Variants in PTPRT observed in about 807,000 individuals in gnomAD.
The protein encoded by PTPRT is receptor-type tyrosine-protein phosphatase T.
PTPRT carries 56 observed loss-of-function variants against 176.8 expected under a neutral mutation model. The observed-to-expected ratio is 0.32, with a 90% CI of 0.26 to 0.40. The LOEUF (loss-of-function observed/expected upper bound fraction) is 0.40, where lower values mean the gene tolerates loss of function less well. PTPRT is among the 10% of genes least tolerant of loss of function. PTPRT has a pLI of 1.00. For synonymous variants in PTPRT, 783 were observed against 739.0 expected (o/e 1.06, Z -0.96); for missense variants, 1,540 against 1,908.2 (o/e 0.81, Z 3.60).
chr20:42,984,124 A>AC (rs1363153956), intron 1 of PTPRT, among the ~76,000 whole-genome samples: 1 of 152,252 alleles, frequency 6.6e-6, no homozygotes, highest in Non-Finnish European at 1.5e-5. Context: ...CCACATGTGC[A>AC]CAAGCACACA....
At chr20:42,682,282 A>T (rs2075616763) in intron 6 of PTPRT, among the ~76,000 whole-genome samples, 1 of 151,996 alleles carries the variant, frequency 6.6e-6, no homozygotes, top group Non-Finnish European at 1.5e-5. Flanking sequence ...CTTAAAAGTT[A>T]AAAAAAACAA....
rs184559423 is a variant in PTPRT, at chr20:42,983,687, C to G, written c.89-97755G>C. On this transcript the variant is annotated intron_variant, in intron 1 of 30. Coordinates refer to ENST00000373187, the MANE Select transcript of PTPRT (RefSeq NM_007050.6). The stretch of plus-strand genomic sequence containing the variant: ...GGCCAGAGGCCCTGCCCACAACCCA[C>G]TAGAAATGAGAGATGGTTTCACACA... Among the ~76,000 whole-genome samples, 716 of 152,350 alleles carry G rather than the reference C, an allele frequency of 4.7e-3. 6 individuals are homozygous for G. Among genetic ancestry groups the G allele is most frequent in the African/African-American group, 0.016 (676 of 41,588 alleles).
intron 1 of PTPRT, among the ~76,000 whole-genome samples, chr20:43,010,338 G>A (rs1985052810): frequency 6.6e-6 from 1 of 152,052 alleles, no homozygotes; most frequent in Non-Finnish European, 1.5e-5. Context: ...TCTCAAAGAG[G>A]CTTTCCAGCA....
chr20:42,521,182 T>A (rs1456994014), intron 7 of PTPRT, among the ~76,000 whole-genome samples: 2 of 152,136 alleles, frequency 1.3e-5, no homozygotes, highest in Non-Finnish European at 2.9e-5. Context: ...GTTCAACAAA[T>A]TTCATTCATG....
At chr20:42,985,014 T>C (rs771411041) in intron 1 of PTPRT, among the ~76,000 whole-genome samples, 10 of 152,044 alleles carry the variant, frequency 6.6e-5, no homozygotes, top group Non-Finnish European at 8.8e-5. Flanking sequence ...GAAGAAGGAA[T>C]GAGGAATAAC....
rs144083458 is a variant in PTPRT at position 42,159,273 on chromosome 20, A to G, written c.2682+2079T>C. Among the ~76,000 whole-genome samples, 33 of 150,816 alleles carry G rather than the reference A, an allele frequency of 2.2e-4. No individual in the cohort carries two copies. The East Asian group carries it at 6.5e-3, about 30-fold the overall frequency. ...ATACTTCCAGTTTCTTTTGGGAGAT[A>G]TGCCACCTGGAGGCTGTTTTCCCAA... On this transcript the variant is annotated intron_variant, in intron 17 of 30. Transcript: ENST00000373187.
At chr20:42,665,466 G>A (rs1269914537) in intron 7 of PTPRT, among the ~76,000 whole-genome samples, 1 of 151,980 alleles carries the variant, frequency 6.6e-6, no homozygotes, top group African/African-American at 2.4e-5. Flanking sequence ...AGGATGTGGA[G>A]AAATAGGAAC....
intron 11 of PTPRT, among the ~76,000 whole-genome samples, chr20:42,333,909 G>C (rs557497216): frequency 6.6e-6 from 1 of 152,136 alleles, no homozygotes; most frequent in Non-Finnish European, 1.5e-5. Context: ...TTGATCTCCT[G>C]ACCTCAAGTG....
At chr20:43,078,267 C>G (rs2011332766) in intron 1 of PTPRT, among the ~76,000 whole-genome samples, 1 of 152,224 alleles carries the variant, frequency 6.6e-6, no homozygotes, top group Non-Finnish European at 1.5e-5. Context: ...CTGGTTTTGG[C>G]ACCAGTGTCT....
intron 28 of PTPRT, 25 bp downstream of exon 28, chr20:42,085,703 C>T (rs1600470355): frequency 6.2e-7 from 1 of 1,612,540 alleles, no homozygotes; most frequent in Admixed American, 1.7e-5. Flanking sequence ...AGGGGCTCAG[C>T]AAGCAATGGC....
intron 7 of PTPRT, among the ~76,000 whole-genome samples, chr20:42,591,399 ACAGAGGGC>A (rs1403297731): frequency 6.6e-6 from 1 of 152,172 alleles, no homozygotes; most frequent in African/African-American, 2.4e-5. Flanking sequence ...TGAACCTCTT[ACAGAGGGC>A]CTGAAACAGA....
At chr20:42,551,335 A>T (rs1259725240) in intron 7 of PTPRT, among the ~76,000 whole-genome samples, 2 of 152,154 alleles carry the variant, frequency 1.3e-5, no homozygotes, top group Non-Finnish European at 2.9e-5. Flanking sequence ...AATAGTCATC[A>T]GGCACACACA....
intron 1 of PTPRT, among the ~76,000 whole-genome samples, chr20:43,068,219 T>G (rs1453674908): frequency 7.0e-6 from 1 of 143,862 alleles, no homozygotes; most frequent in Non-Finnish European, 1.5e-5. Context: ...TAAAACGAAT[T>G]AGGGGCCAGG....
chr20:42,297,255 T>C lies in PTPRT; in HGVS notation c.2140-14730A>G, dbSNP rs114969226. Among the ~76,000 whole-genome samples the C allele has an allele frequency of 3.2e-3, 492 of 152,268 alleles. 7 individuals carry two copies. The highest frequency in any genetic ancestry group is 0.01 in the African/African-American group (432 of 41,556). ...ATTTACAAAGTCAATAGTAGTCATATATAAAACCAATACTCAGAGGACATA... is the reference window on the plus strand; with the variant it reads ...ATTTACAAAGTCAATAGTAGTCATACATAAAACCAATACTCAGAGGACATA... On this transcript the variant is annotated intron_variant, in intron 12 of 30. Transcript: ENST00000373187.
chr20:42,060,898 T>A, the PTPRT span, among the ~76,000 whole-genome samples: 4 of 152,178 alleles, frequency 2.6e-5, no homozygotes, highest in Admixed American at 6.5e-5. Flanking sequence ...AACCAGCATG[T>A]GATAATGGTT....
the PTPRT span, among the ~76,000 whole-genome samples, chr20:42,041,178 A>G: frequency 1.3e-5 from 2 of 152,170 alleles, no homozygotes; most frequent in Non-Finnish European, 2.9e-5. Flanking sequence ...GTGCTGAATA[A>G]GTCCAATCCA....
At chr20:42,428,706 T>C (rs2059188921) in intron 9 of PTPRT, among the ~76,000 whole-genome samples, 1 of 152,168 alleles carries the variant, frequency 6.6e-6, no homozygotes, top group Non-Finnish European at 1.5e-5. Context: ...ATCATGACGA[T>C]GAAGTCACCT....
At chr20:42,132,968 C>A (rs1451019840) in intron 18 of PTPRT, among the ~76,000 whole-genome samples, 1 of 152,162 alleles carries the variant, frequency 6.6e-6, no homozygotes, top group Non-Finnish European at 1.5e-5. Flanking sequence ...TGCAGACGGT[C>A]CCTCACTTGG....
chr20:42,048,226 A>G, the PTPRT span, among the ~76,000 whole-genome samples: 21 of 152,212 alleles, frequency 1.4e-4, no homozygotes, highest in Non-Finnish European at 2.1e-4. Context: ...TGGGAAACTC[A>G]GTTCTTCCTG....
Sources: gnomAD v4.1 joint callset for allele counts (sites outside exome capture counted in the v4.1 genomes callset) on GRCh38, gnomAD v4.1.1 for gene constraint, MANE v1.5 for transcripts, NCBI Gene and HGNC (gene_info 2026-07-23, HGNC 2026-07-21) for gene names.